The following NPFFR1 variants were observed in gnomAD, a reference collection of about 807,000 sequenced individuals.
NPFFR1 encodes the protein neuropeptide FF receptor 1.
NPFFR1 carries 17 observed loss-of-function variants against 12.7 expected under a neutral mutation model. The observed-to-expected ratio is 1.34, with a 90% confidence interval of 0.92 to 2.01. The LOEUF is 2.01. NPFFR1 is among the 30% of genes most tolerant of loss of function. The pLI is 0.00. For missense variants in NPFFR1, 604 were observed against 606.5 expected, an observed-to-expected ratio of 1.00 and a Z score of 0.04; for synonymous variants, 296 against 264.5, an observed-to-expected ratio of 1.12 and a Z score of -1.16.
chr10:70,259,895 A>C (rs998225329), intron 3 of NPFFR1, among the ~76,000 whole-genome samples: 3 of 152,230 alleles, frequency 2.0e-5, no homozygotes, highest in Non-Finnish European at 4.4e-5. Flanking sequence ...TGACCCACCC[A>C]ACATGATACA....
At position 70,255,450 on chromosome 10, in the gene NPFFR1, C is replaced by A; in HGVS notation, c.800G>T (p.Arg267Leu). 1 of 1,548,114 alleles carries A rather than the reference C, an allele frequency of 6.5e-7. No individual in the cohort carries two copies. Among genetic ancestry groups the A allele is most frequent in the Non-Finnish European group, 8.7e-7 (1 of 1,146,486 alleles). Reference sequence around the variant, plus strand: ...CACCATGACCAGCATGTGCACCACGCGCGCTCTGCGCCGCGATGCTCGCGG... The same window carrying A: ...CACCATGACCAGCATGTGCACCACGAGCGCTCTGCGCCGCGATGCTCGCGG... Reference protein sequence around the residue: ...ADPRASRRRARVVHMLVMVAL... With the variant: ...ADPRASRRRALVVHMLVMVAL... Residue 267 changes from arginine to leucine, a missense_variant, in exon 4 of 4, where the codon CGC becomes CTC. Coordinates refer to ENST00000277942, the MANE Select transcript of NPFFR1 (RefSeq NM_022146.5). This position sits in a 1 kb window ranked among gnomAD's most constrained non-coding sequence, Gnocchi z 4.2.
In NPFFR1 at chr10:70,283,732, T is replaced by C. The variant is rs991427884; in HGVS notation, c.-56A>G. On this transcript the variant is annotated 5_prime_UTR_variant, in exon 1 of 4. Transcript: ENST00000277942. ...CCGATGGCGGGAGGCAGCGGGCCCC[T>C]TCGGGCCAGCGGGCAGAGGGACGGT... is the stretch of plus-strand genomic sequence containing the variant. 28 of 1,529,926 alleles carry C rather than the reference T, an allele frequency of 1.8e-5. No individual in the cohort carries two copies. The highest frequency in any genetic ancestry group is 2.5e-5 in the Non-Finnish European group (28 of 1,142,820). The allele number at this position is 1,529,926 out of a possible 1,614,324, so 94.8% of individuals were successfully genotyped here. A position where few individuals can be genotyped will look rare whatever the true frequency, so the allele number is the denominator to read the frequency against.
intron 1 of NPFFR1, among the ~76,000 whole-genome samples, chr10:70,281,655 AC>A (rs771713517): frequency 1.6e-4 from 25 of 152,026 alleles, no homozygotes; most frequent in Non-Finnish European, 3.4e-4. Context: ...GCATTCAAAA[AC>A]CTGTTTTTTT....
intron 1 of NPFFR1, among the ~76,000 whole-genome samples, chr10:70,283,398 C>T (rs1417890116): frequency 6.6e-6 from 1 of 151,698 alleles, no homozygotes; most frequent in East Asian, 1.9e-4. Context: ...TACAGAGCAC[C>T]CCCAGGTCTT....
intron 1 of NPFFR1, among the ~76,000 whole-genome samples, chr10:70,271,115 G>T (rs903855808): frequency 1.3e-5 from 2 of 152,180 alleles, no homozygotes; most frequent in African/African-American, 4.8e-5. Context: ...AGAATTAAAA[G>T]CCTTGAACTA....
chr10:70,281,751 T>C (rs1405891533), intron 1 of NPFFR1, among the ~76,000 whole-genome samples: 1 of 152,226 alleles, frequency 6.6e-6, no homozygotes, highest in African/African-American at 2.4e-5. Flanking sequence ...CTGCATAGTA[T>C]GCCATTGCAG....
chr10:70,280,766 G>A (rs1449426637), intron 1 of NPFFR1, among the ~76,000 whole-genome samples: 2 of 152,100 alleles, frequency 1.3e-5, no homozygotes, highest in East Asian at 1.9e-4. Flanking sequence ...CACTTTGAAG[G>A]GCCGAGGCGG....
intron 3 of NPFFR1, among the ~76,000 whole-genome samples, chr10:70,258,304 CAAA>C (rs35618176): frequency 1.5e-5 from 2 of 137,126 alleles, no homozygotes; most frequent in Admixed American, 7.2e-5. Context: ...ACCTTGTCTC[CAAA>C]AAAAAAAAAA....
intron 1 of NPFFR1, among the ~76,000 whole-genome samples, chr10:70,276,532 T>C (rs563367414): frequency 6.6e-6 from 1 of 151,252 alleles, no homozygotes; most frequent in Admixed American, 6.6e-5. Context: ...ACGAGAGAGC[T>C]ACAAAAAGCT....
chr10:70,260,670 A>T lies in NPFFR1; in HGVS notation c.392T>A (p.Val131Asp), dbSNP rs1337338252. Residue 131 changes from valine to aspartate, a missense_variant, in exon 3 of 4, where the codon GTT becomes GAT. Coordinates refer to ENST00000277942, the MANE Select transcript of NPFFR1 (RefSeq NM_022146.5). ...LVQGMSVSAS[V>D]FTLVAIAVER... Reference sequence around the variant, plus strand: ...CACAGCAATGGCCACCAGTGTGAAAACGGAAGCCGACACAGACATGCCCTG... The same window carrying T: ...CACAGCAATGGCCACCAGTGTGAAATCGGAAGCCGACACAGACATGCCCTG... 18 of 1,611,196 alleles carry T rather than the reference A, an allele frequency of 1.1e-5. No homozygotes were observed. Among genetic ancestry groups the T allele is most frequent in the South Asian group, 6.6e-5 (6 of 90,374 alleles).
At chr10:70,282,328 T>A (rs1419200488) in intron 1 of NPFFR1, among the ~76,000 whole-genome samples, 2 of 152,228 alleles carry the variant, frequency 1.3e-5, no homozygotes, top group African/African-American at 4.8e-5. Context: ...TCTTAGACTT[T>A]GAAAGCTTTT....
At chr10:70,266,450 T>TCACCA in intron 1 of NPFFR1, 59 bp from the exon 2 acceptor site, 1 of 1,366,556 alleles carries the variant, frequency 7.3e-7, no homozygotes, top group Non-Finnish European at 1.0e-6. Flanking sequence ...TACCGATTTC[T>TCACCA]CACCACTAAT....
Position 70,283,948 on chromosome 10 carries a change from C to T in NPFFR1, c.-272G>A, listed in dbSNP as rs1200495237. Among the ~76,000 whole-genome samples the T allele has an allele frequency of 6.6e-6, 1 of 152,192 alleles. No individual in the cohort carries two copies. The highest frequency in any genetic ancestry group is 6.5e-5 in the Admixed American group (1 of 15,284). On this transcript the variant is annotated 5_prime_UTR_variant, in exon 1 of 4. Transcript: ENST00000277942. ...TCAGCCGCCCGCCGCCCCTCGCCTC[C>T]CGACCAGGGGAAGGAGGGGGCTCGT...
chr10:70,270,836 A>T (rs1840738164), intron 1 of NPFFR1, among the ~76,000 whole-genome samples: 1 of 152,132 alleles, frequency 6.6e-6, no homozygotes, highest in South Asian at 2.1e-4. Context: ...CGGTGAAGCC[A>T]TTCCTCTACT....
At chr10:70,274,816 G>A (rs1206518241) in intron 1 of NPFFR1, among the ~76,000 whole-genome samples, 1 of 152,228 alleles carries the variant, frequency 6.6e-6, no homozygotes, top group Non-Finnish European at 1.5e-5. Context: ...TATCTGCCAG[G>A]CAGCTGTGGG....
chr10:70,275,190 C>A (rs972010228), intron 1 of NPFFR1, among the ~76,000 whole-genome samples: 1 of 152,246 alleles, frequency 6.6e-6, no homozygotes, highest in Non-Finnish European at 1.5e-5. Context: ...CTTTATACTT[C>A]TCTTCTACTC....
rs540332958 is a variant in NPFFR1, at chr10:70,283,814, G to A, written c.-138C>T. 3.1e-6 allele frequency: 3 copies of A among 958,710 alleles called. No individual in the cohort carries two copies. Among genetic ancestry groups the A allele is most frequent in the African/African-American group, 1.6e-5 (1 of 61,872 alleles). 59.4% of individuals were successfully genotyped at this position (958,710 alleles called of 1,614,324 possible). On this transcript the variant is annotated 5_prime_UTR_variant, in exon 1 of 4. Coordinates refer to ENST00000277942, the MANE Select transcript of NPFFR1 (RefSeq NM_022146.5). Reference sequence around the variant, plus strand: ...GCCTCCGCGCTCCGCAGGTCCGGTCGGTCCGGGCAGAGGTGAGCAGGGGGC... The same window carrying A: ...GCCTCCGCGCTCCGCAGGTCCGGTCAGTCCGGGCAGAGGTGAGCAGGGGGC...
At chr10:70,257,915 C>A (rs1329110356) in intron 3 of NPFFR1, among the ~76,000 whole-genome samples, 1 of 152,170 alleles carries the variant, frequency 6.6e-6, no homozygotes, top group Non-Finnish European at 1.5e-5. Flanking sequence ...AGTCACAGTA[C>A]CTTCCCTTGA....
Position 70,248,256 on chromosome 10 carries a change from A to G in NPFFR1, c.*6701T>C, listed in dbSNP as rs76463585. 15,069 of 152,102 alleles carry G rather than the reference A, an allele frequency of 0.099. 890 individuals are homozygous for G. Among genetic ancestry groups the G allele is most frequent in the Middle Eastern group, 0.17 (51 of 294 alleles). 9.4% of individuals were successfully genotyped at this position (152,102 alleles called of 1,614,324 possible). On this transcript the variant is annotated 3_prime_UTR_variant, in exon 4 of 4. Transcript: ENST00000277942. ...TACTTCTCTGAGCCTTGCTTTTCCA[A>G]TCTATTGTATGGGAATAATAATAAA...
Sources: gnomAD v4.1 joint callset for allele counts (sites outside exome capture counted in the v4.1 genomes callset) on GRCh38, gnomAD v4.1.1 for gene constraint, Gnocchi (gnomAD v3.1) non-coding constraint, MANE v1.5 for transcripts, NCBI Gene and HGNC (gene_info 2026-07-23, HGNC 2026-07-21) for gene names.